The following WASF3 variants were observed in gnomAD, a reference collection of about 807,000 sequenced individuals.
The protein encoded by WASF3 is WASP family member 3.
Under a neutral mutation model 46.6 loss-of-function variants are expected in WASF3, and 11 were observed. The observed-to-expected ratio is 0.24, with a 90% CI of 0.15 to 0.39. The LOEUF is 0.39. WASF3 is among the 10% of genes least tolerant of loss of function. The pLI is 1.00. For synonymous variants in WASF3, 242 were observed against 259.7 expected (o/e 0.93, Z 0.65); for missense variants, 576 against 669.8 (o/e 0.86, Z 1.55).
At chr13:26,541,561 G>T in the WASF3 span, among the ~76,000 whole-genome samples, 1 of 152,122 alleles carries the variant, frequency 6.6e-6, no homozygotes, top group Non-Finnish European at 1.5e-5. Flanking sequence ...AGGCAGGCAG[G>T]CCCTAGTAGA....
chr13:26,557,424 CCT>C (rs1879123815), upstream of WASF3, among the ~76,000 whole-genome samples: 1 of 152,220 alleles, frequency 6.6e-6, no homozygotes, highest in Non-Finnish European at 1.5e-5. Flanking sequence ...AGTATCCCCA[CCT>C]CTCCTCGCTG....
chr13:26,595,535 TGTGA>T (rs1444387043), intron 1 of WASF3, among the ~76,000 whole-genome samples: 3 of 152,164 alleles, frequency 2.0e-5, no homozygotes, highest in Admixed American at 6.5e-5. Context: ...GGTGTGTGTG[TGTGA>T]GTGTGTAAAG....
intron 1 of WASF3, among the ~76,000 whole-genome samples, chr13:26,595,027 A>C (rs990052585): frequency 2.0e-5 from 3 of 152,238 alleles, no homozygotes; most frequent in African/African-American, 4.8e-5. Flanking sequence ...CGTAGTCTTC[A>C]ATGTCATTTG....
chr13:26,569,663 AG>A (rs1879574808), intron 1 of WASF3, among the ~76,000 whole-genome samples: 1 of 152,204 alleles, frequency 6.6e-6, no homozygotes, highest in Non-Finnish European at 1.5e-5. Context: ...GAAGTTAGAA[AG>A]GAACAGCATA....
At chr13:26,562,866 CCT>C (rs141160818) in intron 1 of WASF3, among the ~76,000 whole-genome samples, 4 of 25,982 alleles carry the variant, frequency 1.5e-4, no homozygotes, top group African/African-American at 3.5e-4. Context: ...CTCCTCCCCT[CCT>C]CCCTCCCTTC....
At chr13:26,540,516 C>G in the WASF3 span, among the ~76,000 whole-genome samples, 3 of 152,194 alleles carry the variant, frequency 2.0e-5, no homozygotes, top group Non-Finnish European at 4.4e-5. Flanking sequence ...GCCTCTGTGT[C>G]CACCCCTCCC....
chr13:26,636,163 C>G (rs970492647), intron 2 of WASF3, among the ~76,000 whole-genome samples: 3 of 152,244 alleles, frequency 2.0e-5, no homozygotes, highest in African/African-American at 4.8e-5. Flanking sequence ...GTGGTGGGCT[C>G]CGCCCAGTTC....
rs370673652 is a variant in WASF3 at position 26,561,563 on chromosome 13, G to A, written c.-109+3744G>A. Among the ~76,000 whole-genome samples, 8 of 152,248 alleles carry A rather than the reference G, an allele frequency of 5.3e-5. No homozygotes were observed. In the East Asian group the frequency reaches 9.7e-4, roughly 18 times the overall value. The stretch of plus-strand genomic sequence containing the variant: ...CAGGAGTTGTCTGGATTAGAGAGAC[G>A]CATGTGAGAGTTATTAGCTGTCCCA... On this transcript the variant is annotated intron_variant, in intron 1 of 9. Transcript: ENST00000335327.
At chr13:26,607,170 G>C (rs1880824941) in intron 1 of WASF3, among the ~76,000 whole-genome samples, 1 of 152,144 alleles carries the variant, frequency 6.6e-6, no homozygotes, top group Admixed American at 6.5e-5. Context: ...GGTAGGGAGG[G>C]TTCCTGTGTC....
At chr13:26,584,830 A>G (rs1413594545) in intron 1 of WASF3, among the ~76,000 whole-genome samples, 1 of 152,214 alleles carries the variant, frequency 6.6e-6, no homozygotes, top group East Asian at 1.9e-4. Flanking sequence ...GTATTGCCCT[A>G]TAGATTGACC....
chr13:26,640,438 G>A (rs990480720), intron 2 of WASF3: 5 of 148,024 alleles, frequency 3.4e-5, no homozygotes, highest in African/African-American at 1.2e-4. Context: ...GTCTCACTCT[G>A]TCACCCAGGC....
intron 1 of WASF3, among the ~76,000 whole-genome samples, chr13:26,565,499 A>T (rs189963806): frequency 3.8e-4 from 58 of 152,198 alleles, no homozygotes; most frequent in East Asian, 1.4e-3. Context: ...AAACACATTT[A>T]AAAAAAACCA....
At chr13:26,607,333 TTTTA>T (rs985414733) in intron 1 of WASF3, among the ~76,000 whole-genome samples, 3 of 152,186 alleles carry the variant, frequency 2.0e-5, no homozygotes, top group African/African-American at 7.2e-5. Flanking sequence ...TCTAATTGGC[TTTTA>T]TTTGTGATTC....
intron 1 of WASF3, among the ~76,000 whole-genome samples, chr13:26,611,424 G>A (rs1282501395): frequency 1.3e-5 from 2 of 152,158 alleles, no homozygotes; most frequent in Non-Finnish European, 2.9e-5. Context: ...TCATAATTGT[G>A]TTTCACAAAG....
chr13:26,624,011 T>C (rs1221232525), intron 2 of WASF3, among the ~76,000 whole-genome samples: 2 of 152,240 alleles, frequency 1.3e-5, no homozygotes, highest in Non-Finnish European at 2.9e-5. Flanking sequence ...ACATGTGAAT[T>C]CATTGCTGGA....
chr13:26,679,995 TC>T lies in WASF3; in HGVS notation c.717-1056del, dbSNP rs1330461385. On this transcript the variant is annotated intron_variant, in intron 7 of 9. Coordinates refer to ENST00000335327, the MANE Select transcript of WASF3 (RefSeq NM_006646.6). The surrounding 1 kb of genome is among the most constrained non-coding windows in gnomAD (Gnocchi z 4.8). The stretch of plus-strand genomic sequence containing the variant: ...GAAATGCAGCGTGCATCTTCCCTGC[TC>T]CCTCAGCACCCCCAATGTGTGTTTG... 1 of 1,580,932 alleles carries T rather than the reference TC, an allele frequency of 6.3e-7. No individual in the cohort carries two copies. The highest frequency in any genetic ancestry group is 1.3e-5 in the African/African-American group (1 of 74,566).
chr13:26,665,365 T>A (rs1403017300), intron 4 of WASF3, among the ~76,000 whole-genome samples: 1 of 152,252 alleles, frequency 6.6e-6, no homozygotes, highest in Admixed American at 6.5e-5. Flanking sequence ...ACCTCATAAC[T>A]CTATACTCTT....
intron 3 of WASF3, among the ~76,000 whole-genome samples, chr13:26,652,112 A>C (rs1177510753): frequency 6.6e-6 from 1 of 152,208 alleles, no homozygotes; most frequent in Non-Finnish European, 1.5e-5. Context: ...TCCTCTTAAA[A>C]GGCAGAGATT....
At chr13:26,683,394 T>C (rs1883302463) in intron 9 of WASF3, among the ~76,000 whole-genome samples, 1 of 151,696 alleles carries the variant, frequency 6.6e-6, no homozygotes, top group South Asian at 2.1e-4. Flanking sequence ...GAGGATTGCT[T>C]GAGTGTGGGA....
Sources: allele counts gnomAD v4.1 joint callset (sites outside exome capture counted in the v4.1 genomes callset), GRCh38; gene constraint gnomAD v4.1.1; non-coding constraint Gnocchi (gnomAD v3.1); transcripts MANE v1.5; gene names NCBI Gene and HGNC (gene_info 2026-07-23, HGNC 2026-07-21).